The following UBA7 variants were observed in gnomAD, a reference collection of about 807,000 sequenced individuals.
UBA7 encodes ubiquitin like modifier activating enzyme 7.
Under a neutral mutation model 113.0 loss-of-function variants are expected in UBA7, and 88 were observed. The ratio of observed to expected loss-of-function variants is 0.78; its 90% CI spans 0.66 to 0.93. The LOEUF (loss-of-function observed/expected upper bound fraction) is 0.93, where lower values mean the gene tolerates loss of function less well. Ranked by LOEUF, UBA7 falls within the 40% of genes least tolerant of loss-of-function variation. The pLI is 0.00. For synonymous variants in UBA7, 459 were observed against 513.0 expected (o/e 0.89, Z 1.42); for missense variants, 1,092 against 1,266.4 (o/e 0.86, Z 2.09).
intron 23 of UBA7, among the ~76,000 whole-genome samples, chr3:49,805,646 C>T (rs1396107414): frequency 6.6e-6 from 1 of 152,062 alleles, no homozygotes; most frequent in African/African-American, 2.4e-5. Flanking sequence ...TGGGAGTGGG[C>T]TGTGAAAGGG....
Position 49,810,644 on chromosome 3 carries a change from A to G in UBA7, c.1340T>C (p.Leu447Pro), listed in dbSNP as rs764875252. Residue 447 changes from leucine (L) to proline (P), a missense_variant, in exon 12 of 24, where the codon CTG (leucine) becomes CCG (proline). Physicochemically the swap from Leu to Pro is moderately conservative, Grantham distance 98. Transcript: ENST00000333486. The surrounding 1 kb of genome is among the most constrained non-coding windows in gnomAD (Gnocchi z 5.6). ...TCCCACTAGGGCAAAGACTTTGAGC[A>G]GCTCACAACCAATGGCACCAGCGCC... ...LVGAGAIGCE[L>P]LKVFALVGLG... is the part of the protein sequence containing the mutation. 12 of 1,614,094 alleles carry G rather than the reference A, an allele frequency of 7.4e-6. No individual in the cohort carries two copies. The East Asian group carries it at 2.7e-4, about 36-fold the overall frequency.
Position 49,812,647 on chromosome 3 carries a change from C to G in UBA7, c.558+1G>C. 6.2e-7 allele frequency: 1 copy of G among 1,614,208 alleles called. No individual in the cohort carries two copies. On this transcript the variant is annotated splice_donor_variant, in intron 5 of 23. Coordinates refer to ENST00000333486, the MANE Select transcript of UBA7 (RefSeq NM_003335.3). LOFTEE classifies it high-confidence loss of function. ...GTGAATGCCTACAGCTCAGCACCCA[C>G]CTGGGAGATGTGCTGGATGGCAGCT...
At chr3:49,811,693 G>C in intron 8 of UBA7, 177 bp downstream of exon 8, 1 of 1,197,340 alleles carries the variant, frequency 8.4e-7, no homozygotes, top group South Asian at 1.5e-5. Flanking sequence ...TGAGGGGTCG[G>C]GGTGTAGCAG....
chr3:49,806,410 A>G, intron 21 of UBA7: 1 of 575,380 alleles, frequency 1.7e-6, no homozygotes. Context: ...CACATGGGCC[A>G]GTTGTGAGAG....
chr3:49,813,500 G>A lies in UBA7; in HGVS notation c.204C>T (p.Cys68=). The part of the protein sequence containing the change: ...SLTLHDPHPT[C]WSDLAAQFLL... ...TTACCTGGGCAGCCAGGTCGGACCA[G>A]CAGGTGGGGTGGGGATCATGCAGAG... The change falls in exon 2 of 24, where the codon TGC becomes TGT. Residue 68 remains cysteine, a synonymous_variant. Transcript: ENST00000333486. The A allele has an allele frequency of 6.2e-7, 1 of 1,613,910 alleles. No individual in the cohort carries two copies. The highest frequency in any genetic ancestry group is 8.5e-7 in the Non-Finnish European group (1 of 1,179,982).
chr3:49,810,660 C>T lies in UBA7; in HGVS notation c.1324G>A (p.Ala442Thr). Reference sequence around the variant, plus strand: ...ACTTTGAGCAGCTCACAACCAATGGCACCAGCGCCCACCTGTTGGCAGGAA... The same window carrying T: ...ACTTTGAGCAGCTCACAACCAATGGTACCAGCGCCCACCTGTTGGCAGGAA... ...RQHYLLVGAG[A>T]IGCELLKVFA... The change falls in exon 12 of 24, where the codon GCC (alanine) becomes ACC (threonine). Residue 442 changes from alanine (A) to threonine (T), a missense_variant. By Grantham distance (58) the Ala-to-Thr change is moderately conservative. Around this residue, in one of 3 missense-constraint regions of UBA7, gnomAD observed 584 missense variants for 714.5 expected, o/e 0.82. Transcript: ENST00000333486. The surrounding 1 kb of genome is among the most constrained non-coding windows in gnomAD (Gnocchi z 5.6). The T allele has an allele frequency of 1.9e-6, 3 of 1,614,112 alleles. No individual in the cohort carries two copies. Among genetic ancestry groups the T allele is most frequent in the Non-Finnish European group, 2.5e-6 (3 of 1,179,978 alleles).
intron 23 of UBA7, 124 bp from the exon 24 acceptor site, chr3:49,805,561 C>T: frequency 1.1e-6 from 1 of 887,212 alleles, no homozygotes; most frequent in African/African-American, 1.6e-5. Flanking sequence ...AGGAGCTGCT[C>T]AAGACAGGAA....
intron 8 of UBA7, 21 bp downstream of exon 8, chr3:49,811,849 G>T (rs1396028363): frequency 6.2e-7 from 1 of 1,610,626 alleles, no homozygotes; most frequent in South Asian, 1.1e-5. Flanking sequence ...GGCTGGGGGT[G>T]GGAGCAACAG....
Position 49,809,830 on chromosome 3 carries a change from A to G in UBA7, c.1889T>C (p.Ile630Thr). The G allele has an allele frequency of 1.2e-6, 2 of 1,614,116 alleles. No individual in the cohort carries two copies. The highest frequency in any genetic ancestry group is 1.7e-6 in the Non-Finnish European group (2 of 1,180,022). ...GTGGCCTTACTGTTGGTGGTGGTTG[A>G]TGGTCTCTGCAGACAGTCGGAAGAG... ...EELFRLSAET[I>T]NHHQQAHTSL... Residue 630 changes from isoleucine (I) to threonine (T), a missense_variant, in exon 15 of 24, where the codon ATC (isoleucine) becomes ACC (threonine). By Grantham distance (89) the Ile-to-Thr change is moderately conservative. Coordinates refer to ENST00000333486, the MANE Select transcript of UBA7 (RefSeq NM_003335.3).
chr3:49,808,082 C>G lies in UBA7; in HGVS notation c.2461G>C (p.Val821Leu), dbSNP rs1271306292. 4 of 1,614,156 alleles carry G rather than the reference C, an allele frequency of 2.5e-6. No individual in the cohort carries two copies. The highest frequency in any genetic ancestry group is 3.4e-6 in the Non-Finnish European group (4 of 1,180,002). ...DDDSNFHVDF[V>L]VAAASLRCQN... ...CATCTCAGGCTAGCTGCCGCTACCACAAAGTCCACATGGAAGTTGCTGTCA... is the reference window on the plus strand; with the variant it reads ...CATCTCAGGCTAGCTGCCGCTACCAGAAAGTCCACATGGAAGTTGCTGTCA... Residue 821 changes from valine to leucine, a missense_variant, in exon 20 of 24, where the codon GTG becomes CTG. This residue lies in a region of UBA7 where 500 missense variants were observed against 529.3 expected (regional missense o/e 0.94). Transcript: ENST00000333486.
rs769598176 is a variant in UBA7, at chr3:49,811,860, G to A, written c.939+10C>T. 11 of 1,612,844 alleles carry A rather than the reference G, an allele frequency of 6.8e-6. No individual in the cohort carries two copies. The highest frequency in any genetic ancestry group is 7.6e-6 in the Non-Finnish European group (9 of 1,179,902). On this transcript the variant is annotated intron_variant, in intron 8 of 23. Transcript: ENST00000333486. ...CAGAGGCTGGGGGTGGGAGCAACAG[G>A]ACTACTCACAGGATCCCAGGGCTGG...
chr3:49,806,432 G>C (rs1388822421), intron 21 of UBA7: 9 of 562,680 alleles, frequency 1.6e-5, no homozygotes, highest in African/African-American at 5.6e-5. Context: ...GGGGGATGAG[G>C]GGGTGGTGCT....
intron 6 of UBA7, 41 bp downstream of exon 6, chr3:49,812,367 G>A: frequency 6.2e-7 from 1 of 1,613,372 alleles, no homozygotes; most frequent in East Asian, 2.2e-5. Flanking sequence ...TCCAGTGGAG[G>A]CTTGGGCCCT....
At position 49,813,551 on chromosome 3, in the gene UBA7, C is replaced by G. The variant is rs1318374439; in HGVS notation, c.153G>C (p.Leu51Phe). The change falls in exon 2 of 24, where the codon TTG becomes TTC. Residue 51 changes from leucine (L) to phenylalanine (F), a missense_variant. Leu to Phe is a conservative substitution (Grantham distance 22). This residue lies in a region of UBA7 where 584 missense variants were observed against 714.5 expected (regional missense o/e 0.82). Coordinates refer to ENST00000333486, the MANE Select transcript of UBA7 (RefSeq NM_003335.3). ...TGAGGCTGCCCACACCCATCAGAAC[C>G]AAGTTCTTGGCCACCTCGGCCCCCA... ...QGLGAEVAKN[L>F]VLMGVGSLTL... 6.2e-7 allele frequency: 1 copy of G among 1,613,966 alleles called. No individual in the cohort carries two copies. Among genetic ancestry groups the G allele is most frequent in the African/African-American group, 1.3e-5 (1 of 74,958 alleles).
Position 49,808,115 on chromosome 3 carries a change from G to A in UBA7, c.2431-3C>T, listed in dbSNP as rs766945118. 1.2e-6 allele frequency: 2 copies of A among 1,613,782 alleles called. No individual in the cohort carries two copies. The highest frequency in any genetic ancestry group is 1.7e-6 in the Non-Finnish European group (2 of 1,179,880). ...ACATGGAAGTTGCTGTCATCATCCTGTAAGGCCCAAGTCAAAGTAGTGTTA... is the reference window on the plus strand; with the variant it reads ...ACATGGAAGTTGCTGTCATCATCCTATAAGGCCCAAGTCAAAGTAGTGTTA... On this transcript the variant is annotated splice_polypyrimidine_tract_variant and splice_region_variant and intron_variant, in intron 19 of 23. Transcript: ENST00000333486.
In UBA7 at chr3:49,806,331, C is replaced by T. The variant is rs574484172; in HGVS notation, c.2716-166G>A. On this transcript the variant is annotated intron_variant, in intron 21 of 23. Transcript: ENST00000333486. ...TCTGGGCCCAGAGTCTCAGCCCCCT[C>T]CCCGTCCAGGCCGGGGCCAGCACAG... The T allele has an allele frequency of 2.3e-4, 147 of 637,326 alleles. 2 individuals are homozygous for T. The highest frequency in any genetic ancestry group is 1.3e-3 in the South Asian group (68 of 51,490). 39.5% of individuals were successfully genotyped at this position (637,326 alleles called of 1,614,324 possible).
chr3:49,809,024 G>T lies in UBA7; in HGVS notation c.2299C>A (p.Pro767Thr). The change falls in exon 18 of 24, where the codon CCC (proline) becomes ACC (threonine). Residue 767 changes from proline (P) to threonine (T), a missense_variant. Pro to Thr is a conservative substitution (Grantham distance 38, BLOSUM62 -1). Around this residue, in one of 3 missense-constraint regions of UBA7, gnomAD observed 500 missense variants for 529.3 expected, o/e 0.94. Coordinates refer to ENST00000333486, the MANE Select transcript of UBA7 (RefSeq NM_003335.3). Reference sequence around the variant, plus strand: ...AGCTCTAGATTACTAGCAAAGATGGGGGCCATCTGTTGGGGGTCAGGCTGT... The same window carrying T: ...AGCTCTAGATTACTAGCAAAGATGGTGGCCATCTGTTGGGGGTCAGGCTGT... Reference protein sequence around the residue: ...LPQPDPQQMAPIFASNLELAS... With the variant: ...LPQPDPQQMATIFASNLELAS... 5 of 1,613,912 alleles carry T rather than the reference G, an allele frequency of 3.1e-6. No individual in the cohort carries two copies. The highest frequency in any genetic ancestry group is 4.2e-6 in the Non-Finnish European group (5 of 1,180,014).
In UBA7 at chr3:49,807,730, GCT is replaced by G; in HGVS notation, c.2715+4_2715+5del. The stretch of plus-strand genomic sequence containing the variant: ...TAGGGCTAAGGGTGGGGTATCATGG[GCT>G]CACCGTCTGGATGGCTGGGGCAAAA... On this transcript the variant is annotated splice_donor_5th_base_variant and intron_variant, in intron 21 of 23. Coordinates refer to ENST00000333486, the MANE Select transcript of UBA7 (RefSeq NM_003335.3). The surrounding 1 kb of genome is among the most constrained non-coding windows in gnomAD (Gnocchi z 4.0). 6.2e-7 allele frequency: 1 copy of G among 1,600,642 alleles called. No homozygotes were observed. The highest frequency in any genetic ancestry group is 8.5e-7 in the Non-Finnish European group (1 of 1,172,808).
chr3:49,806,568 G>T (rs72938113), intron 21 of UBA7, among the ~76,000 whole-genome samples: 1 of 151,990 alleles, frequency 6.6e-6, no homozygotes, highest in Non-Finnish European at 1.5e-5. Context: ...AGTGCCTTGG[G>T]CTACTCATTG....
Sources: gnomAD v4.1 joint callset for allele counts (sites outside exome capture counted in the v4.1 genomes callset) on GRCh38, gnomAD v4.1.1 for gene constraint, gnomAD v4.1.1 regional missense constraint, Gnocchi (gnomAD v3.1) non-coding constraint, MANE v1.5 for transcripts, NCBI Gene and HGNC (gene_info 2026-07-23, HGNC 2026-07-21) for gene names.